Variants in ANXA10 observed in about 807,000 individuals in gnomAD.
The protein encoded by ANXA10 is annexin A10, also known as annexin 14.
In ANXA10, 49 loss-of-function variants were observed where a neutral mutation model predicts 53.5. The ratio of observed to expected loss-of-function variants is 0.92; its 90% CI spans 0.73 to 1.16. ANXA10 has a LOEUF of 1.16. Among genes scored for constraint, ANXA10 ranks in the 50% most tolerant of loss-of-function variants. The pLI is 0.00. For synonymous variants in ANXA10, 131 were observed against 128.9 expected (o/e 1.02, Z -0.11); for missense variants, 393 against 394.4 (o/e 1.00, Z 0.03).
chr4:168,137,493 C>A (rs915974589), intron 2 of ANXA10, among the ~76,000 whole-genome samples: 4 of 152,100 alleles, frequency 2.6e-5, no homozygotes. Context: ...CATGTGTACC[C>A]TTCGTTTAGC....
At chr4:168,157,762 A>G (rs1401876982) in intron 3 of ANXA10, among the ~76,000 whole-genome samples, 1 of 152,106 alleles carries the variant, frequency 6.6e-6, no homozygotes, top group Non-Finnish European at 1.5e-5. Flanking sequence ...TTCTCAGAAT[A>G]ATGTTTTTAA....
Position 168,103,072 on chromosome 4 carries a change from G to A in ANXA10, c.18+10354G>A, listed in dbSNP as rs148835230. On this transcript the variant is annotated intron_variant, in intron 1 of 11. Transcript: ENST00000359299. Reference sequence around the variant, plus strand: ...GTCCTATACATATTCTGGATTAAACGTTTTATGAAAATGTAACTTACACAC... The same window carrying A: ...GTCCTATACATATTCTGGATTAAACATTTTATGAAAATGTAACTTACACAC... 5.0e-3 allele frequency among the ~76,000 whole-genome samples: 755 copies of A among 151,986 alleles called. 10 individuals carry two copies. Among genetic ancestry groups the A allele is most frequent in the African/African-American group, 0.017 (723 of 41,510 alleles).
intron 2 of ANXA10, among the ~76,000 whole-genome samples, chr4:168,135,207 G>A (rs1731217309): frequency 6.6e-6 from 1 of 152,196 alleles, no homozygotes. Flanking sequence ...TGGGCAGGGA[G>A]GGCATTGGTC....
chr4:168,177,760 T>C lies in ANXA10; in HGVS notation c.501T>C (p.Tyr167=), dbSNP rs565027196. The stretch of plus-strand genomic sequence containing the variant: ...TACAGGGGACCAGAGAGGAAGGATA[T>C]ACAGACCCTGCGATGGCTGCTCAGG... ...NLVQGTREEG[Y]TDPAMAAQDA... Residue 167 remains tyrosine (Y), a synonymous_variant, in exon 7 of 12, where the codon TAT becomes TAC. Coordinates refer to ENST00000359299, the MANE Select transcript of ANXA10 (RefSeq NM_007193.5). 25 of 1,614,156 alleles carry C rather than the reference T, an allele frequency of 1.5e-5. 1 individual carries two copies. The South Asian group carries it at 2.4e-4, about 16-fold the overall frequency.
chr4:168,185,046 C>G (rs867295888), intron 11 of ANXA10, among the ~76,000 whole-genome samples: 3 of 151,900 alleles, frequency 2.0e-5, no homozygotes, highest in Non-Finnish European at 2.9e-5. Context: ...CCCAGCTACC[C>G]GGGAGGCTGA....
chr4:168,182,795 G>C (rs1156504467), intron 10 of ANXA10, among the ~76,000 whole-genome samples: 1 of 149,920 alleles, frequency 6.7e-6, no homozygotes, highest in Non-Finnish European at 1.5e-5. Flanking sequence ...TGGATCACGA[G>C]GTCAGGAGAT....
At chr4:168,110,738 A>T (rs563304474) in intron 1 of ANXA10, among the ~76,000 whole-genome samples, 1 of 152,246 alleles carries the variant, frequency 6.6e-6, no homozygotes, top group East Asian at 1.9e-4. Context: ...AACTGGCTTT[A>T]CTTTAAAATC....
chr4:168,182,934 C>A (rs1459599725), intron 10 of ANXA10, among the ~76,000 whole-genome samples: 1 of 146,614 alleles, frequency 6.8e-6, no homozygotes, highest in Admixed American at 7.0e-5. Flanking sequence ...GGCCTGAACC[C>A]TGGAGGCGGA....
chr4:168,173,721 C>G lies in ANXA10; in HGVS notation c.481-4019C>G, dbSNP rs137909039. On this transcript the variant is annotated intron_variant, in intron 6 of 11. Transcript: ENST00000359299. ...AGACAGTTTAAAGCTGAAAACCCAT[C>G]TACAAGTCTCAGATAAATCCACAGA... is the stretch of plus-strand genomic sequence containing the variant. 3.2e-3 allele frequency among the ~76,000 whole-genome samples: 484 copies of G among 152,302 alleles called. 2 individuals are homozygous for G. Among genetic ancestry groups the G allele is most frequent in the Non-Finnish European group, 3.1e-3 (212 of 68,012 alleles).
chr4:168,139,449 G>A (rs749991590), intron 2 of ANXA10, 37 bp from the exon 3 acceptor site: 1 of 1,568,006 alleles, frequency 6.4e-7, no homozygotes, highest in Non-Finnish European at 8.8e-7. Context: ...CTACAAAGTA[G>A]CAACTTTACT....
rs367568580 is a variant in ANXA10 at position 168,185,238 on chromosome 4, T to C, written c.906+557T>C. On this transcript the variant is annotated intron_variant, in intron 11 of 11. Coordinates refer to ENST00000359299, the MANE Select transcript of ANXA10 (RefSeq NM_007193.5). ...CTTTGATGTGTTTTACCCAGAAGCA[T>C]TGATGCAGTCATGCAAAATATTCAT... 7.2e-5 allele frequency among the ~76,000 whole-genome samples: 11 copies of C among 152,330 alleles called. 1 individual carries two copies. The East Asian group carries it at 1.3e-3, about 19-fold the overall frequency.
chr4:168,128,301 G>A (rs1178877703), intron 2 of ANXA10, 136 bp downstream of exon 2: 9 of 517,322 alleles, frequency 1.7e-5, no homozygotes, highest in African/African-American at 1.4e-4. Flanking sequence ...AAAAAAAACT[G>A]AGCAAAGAAG....
At chr4:168,120,862 AT>A (rs762169609) in intron 1 of ANXA10, among the ~76,000 whole-genome samples, 7 of 151,808 alleles carry the variant, frequency 4.6e-5, no homozygotes, top group Admixed American at 6.6e-5. Context: ...CACTTCATTA[AT>A]TTTTTTTCAT....
intron 1 of ANXA10, chr4:168,127,873 C>T (rs2149469720): frequency 2.5e-6 from 1 of 394,352 alleles, no homozygotes; most frequent in Non-Finnish European, 4.5e-6. Flanking sequence ...ATTACAGGCG[C>T]CACAACACCC....
chr4:168,114,246 A>G (rs1730854737), intron 1 of ANXA10, among the ~76,000 whole-genome samples: 1 of 151,868 alleles, frequency 6.6e-6, no homozygotes, highest in South Asian at 2.1e-4. Flanking sequence ...TTGCTCTGCT[A>G]TCTTCCAGAT....
intron 3 of ANXA10, among the ~76,000 whole-genome samples, chr4:168,148,173 A>C (rs115465967): frequency 0.013 from 1,785 of 134,406 alleles, 37 homozygotes; most frequent in African/African-American, 0.053. Context: ...CATATGTGAC[A>C]ATTTTTTTTT....
intron 3 of ANXA10, among the ~76,000 whole-genome samples, chr4:168,157,633 C>T (rs753181567): frequency 3.3e-5 from 5 of 152,178 alleles, no homozygotes; most frequent in Non-Finnish European, 7.3e-5. Flanking sequence ...TGACATCCTC[C>T]TGCTGAAAGA....
At chr4:168,094,236 T>C (rs1730508613) in intron 1 of ANXA10, among the ~76,000 whole-genome samples, 1 of 152,174 alleles carries the variant, frequency 6.6e-6, no homozygotes, top group Non-Finnish European at 1.5e-5. Flanking sequence ...AATTATTTGC[T>C]ATGCTTCTGA....
At chr4:168,142,581 C>T (rs1047264761) in intron 3 of ANXA10, among the ~76,000 whole-genome samples, 1 of 152,192 alleles carries the variant, frequency 6.6e-6, no homozygotes, top group African/African-American at 2.4e-5. Flanking sequence ...ACTAATGACA[C>T]ATCTGAGAGC....
Sources: gnomAD v4.1 joint callset for allele counts (sites outside exome capture counted in the v4.1 genomes callset) on GRCh38, gnomAD v4.1.1 for gene constraint, MANE v1.5 for transcripts, NCBI Gene and HGNC (gene_info 2026-07-23, HGNC 2026-07-21) for gene names.